COL23A1: variants seen among roughly 807,000 people sequenced by gnomAD.
The protein encoded by COL23A1 is collagen type XXIII alpha 1 chain.
Under a neutral mutation model 99.3 loss-of-function variants are expected in COL23A1, and 97 were observed. That is an observed-to-expected ratio of 0.98 (90% CI 0.83 to 1.16). The LOEUF (loss-of-function observed/expected upper bound fraction) is 1.16, where lower values mean the gene tolerates loss of function less well. Ranked by LOEUF, COL23A1 falls within the 50% of genes most tolerant of loss-of-function variation. The probability of loss-of-function intolerance (pLI) is 0.00; values close to 1 mark genes in which losing one functional copy is unlikely to be tolerated. For synonymous variants in COL23A1, 320 were observed against 308.2 expected (o/e 1.04, Z -0.40); for missense variants, 762 against 757.4 (o/e 1.01, Z -0.07).
intron 2 of COL23A1, among the ~76,000 whole-genome samples, chr5:178,333,423 C>G (rs1018971475): frequency 1.3e-5 from 2 of 152,108 alleles, no homozygotes; most frequent in African/African-American, 4.8e-5. Context: ...AGCGTCCTCC[C>G]TCACCATCCC....
At chr5:178,419,342 A>G (rs576552955) in intron 2 of COL23A1, among the ~76,000 whole-genome samples, 1 of 152,346 alleles carries the variant, frequency 6.6e-6, no homozygotes, top group East Asian at 1.9e-4. Flanking sequence ...AGGACACAGG[A>G]ACAGCAGAGC....
chr5:178,313,966 C>T lies in COL23A1; in HGVS notation c.362-7047G>A, dbSNP rs1179523924. On this transcript the variant is annotated intron_variant, in intron 2 of 28. Transcript: ENST00000390654. This position sits in a 1 kb window ranked among gnomAD's most constrained non-coding sequence, Gnocchi z 4.2. ...AACCTCAGAGCTGAAAACTGCCCAA[C>T]AAGGGAGCATTCTCTCTGCACATTC... Among the ~76,000 whole-genome samples, 1 of 152,082 alleles carries T rather than the reference C, an allele frequency of 6.6e-6. No homozygotes were observed. Among genetic ancestry groups the T allele is most frequent in the Admixed American group, 6.5e-5 (1 of 15,282 alleles).
At chr5:178,329,880 T>C (rs1452212557) in intron 2 of COL23A1, among the ~76,000 whole-genome samples, 1 of 150,084 alleles carries the variant, frequency 6.7e-6, no homozygotes, top group Non-Finnish European at 1.5e-5. Context: ...GAGGTTGCAG[T>C]GAGCCGAGAT....
At chr5:178,472,518 T>G (rs531245324) in intron 2 of COL23A1, among the ~76,000 whole-genome samples, 1 of 152,206 alleles carries the variant, frequency 6.6e-6, no homozygotes, top group Non-Finnish European at 1.5e-5. Flanking sequence ...CAGTCAGATA[T>G]GGCTTATACA....
chr5:178,406,858 T>G (rs1225664553), intron 2 of COL23A1, among the ~76,000 whole-genome samples: 2 of 152,204 alleles, frequency 1.3e-5, no homozygotes, highest in African/African-American at 4.8e-5. Flanking sequence ...ATTTAAAATG[T>G]TATAAAGCTA....
intron 2 of COL23A1, among the ~76,000 whole-genome samples, chr5:178,427,845 A>G (rs1165158787): frequency 6.6e-6 from 1 of 152,194 alleles, no homozygotes; most frequent in Admixed American, 6.5e-5. Flanking sequence ...TTTGGGGGAC[A>G]GTGAAACTAT....
intron 1 of COL23A1, among the ~76,000 whole-genome samples, chr5:178,578,130 C>T (rs1763484379): frequency 6.8e-6 from 1 of 147,416 alleles, no homozygotes; most frequent in Non-Finnish European, 1.5e-5. Flanking sequence ...TGCACACACA[C>T]ACATGCATGC....
At position 178,290,349 on chromosome 5, in the gene COL23A1, C is replaced by T. The variant is rs1757387028; in HGVS notation, c.414+13G>A. The T allele has an allele frequency of 1.9e-6, 3 of 1,613,888 alleles. No homozygotes were observed. The highest frequency in any genetic ancestry group is 2.5e-6 in the Non-Finnish European group (3 of 1,180,024). On this transcript the variant is annotated intron_variant, in intron 4 of 28. Transcript: ENST00000390654. ...ATCTTTCAGAAGCAGACAGCACAGT[C>T]CAGGACACTTACTGGAGGACCTGCA...
At position 178,589,056 on chromosome 5, in the gene COL23A1, C is replaced by T. The variant is rs114748711; in HGVS notation, c.294+848G>A. The stretch of plus-strand genomic sequence containing the variant: ...TGCCGCACATGCCGCACACAAAAGG[C>T]GGAGGCTTTGACCAACATGCTGGGT... On this transcript the variant is annotated intron_variant, in intron 1 of 28. Transcript: ENST00000390654. This position sits in a 1 kb window ranked among gnomAD's most constrained non-coding sequence, Gnocchi z 5.4. 0.016 allele frequency among the ~76,000 whole-genome samples: 2,406 copies of T among 152,248 alleles called. 41 individuals carry two copies. Among genetic ancestry groups the T allele is most frequent in the African/African-American group, 0.051 (2,110 of 41,548 alleles).
intron 2 of COL23A1, among the ~76,000 whole-genome samples, chr5:178,414,971 TG>T (rs1765230706): frequency 6.6e-6 from 1 of 151,010 alleles, no homozygotes; most frequent in Non-Finnish European, 1.5e-5. Context: ...TGAAGTGGAG[TG>T]GGGTGAAAGG....
rs1763739587 is a variant in COL23A1 at position 178,387,591 on chromosome 5, G to C, written c.362-80672C>G. On this transcript the variant is annotated intron_variant, in intron 2 of 28. Transcript: ENST00000390654. This position sits in a 1 kb window ranked among gnomAD's most constrained non-coding sequence, Gnocchi z 4.7. ...TCACAGCCGACTGTATTTGGGGTTT[G>C]CCTGAGCCTCCCCTCCTGGACCAAT... Among the ~76,000 whole-genome samples the C allele has an allele frequency of 6.6e-6, 1 of 152,188 alleles. No homozygotes were observed. The highest frequency in any genetic ancestry group is 2.4e-5 in the African/African-American group (1 of 41,436).
chr5:178,408,151 C>A lies in COL23A1; in HGVS notation c.362-101232G>T, dbSNP rs186039633. On this transcript the variant is annotated intron_variant, in intron 2 of 28. Coordinates refer to ENST00000390654, the MANE Select transcript of COL23A1 (RefSeq NM_173465.4). The stretch of plus-strand genomic sequence containing the variant: ...ACAGTGGATTTCTTCTCAGAAACCA[C>A]GGAGGCCAGAAGGAAGTGGCAAACA... Among the ~76,000 whole-genome samples, 331 of 152,232 alleles carry A rather than the reference C, an allele frequency of 2.2e-3. 2 individuals carry two copies. Among genetic ancestry groups the A allele is most frequent in the Middle Eastern group, 0.01 (3 of 294 alleles).
At chr5:178,556,109 C>T (rs748409824) in intron 2 of COL23A1, among the ~76,000 whole-genome samples, 5 of 152,126 alleles carry the variant, frequency 3.3e-5, no homozygotes, top group African/African-American at 1.2e-4. Context: ...ACGTCCTTGG[C>T]GGGGACTGGC....
At chr5:178,357,912 G>GTCTAA (rs757423939) in intron 2 of COL23A1, among the ~76,000 whole-genome samples, 1 of 64,076 alleles carries the variant, frequency 1.6e-5, no homozygotes, top group Non-Finnish European at 4.2e-5. Flanking sequence ...TCTAATGTGT[G>GTCTAA]TGTATGTGTA....
chr5:178,496,937 T>C (rs1457525389), intron 2 of COL23A1, among the ~76,000 whole-genome samples: 1 of 152,200 alleles, frequency 6.6e-6, no homozygotes, highest in East Asian at 1.9e-4. Context: ...GCGTGAGACC[T>C]GATTTTTAAG....
intron 2 of COL23A1, among the ~76,000 whole-genome samples, chr5:178,540,301 G>A (rs1207730904): frequency 6.6e-6 from 1 of 152,138 alleles, no homozygotes; most frequent in Non-Finnish European, 1.5e-5. Flanking sequence ...ACAAGTACAT[G>A]TGGCAAGGTA....
At chr5:178,436,202 A>C (rs1766553489) in intron 2 of COL23A1, among the ~76,000 whole-genome samples, 1 of 152,202 alleles carries the variant, frequency 6.6e-6, no homozygotes. Context: ...GAGGTAGCCC[A>C]GACCCCTGAA....
At chr5:178,550,882 T>A (rs1761963146) in intron 2 of COL23A1, among the ~76,000 whole-genome samples, 1 of 152,116 alleles carries the variant, frequency 6.6e-6, no homozygotes, top group African/African-American at 2.4e-5. Flanking sequence ...CCACTACAAT[T>A]AAACCTGATG....
chr5:178,275,316 C>T (rs529867959), intron 5 of COL23A1, among the ~76,000 whole-genome samples: 58 of 152,310 alleles, frequency 3.8e-4, no homozygotes, highest in Admixed American at 7.2e-4. Context: ...GTGCTGGGAG[C>T]GACCCGTGTG....
Sources: allele counts gnomAD v4.1 joint callset (sites outside exome capture counted in the v4.1 genomes callset), GRCh38; gene constraint gnomAD v4.1.1; non-coding constraint Gnocchi (gnomAD v3.1); transcripts MANE v1.5; gene names NCBI Gene and HGNC (gene_info 2026-07-23, HGNC 2026-07-21).